The following PPARGC1A variants were observed in gnomAD, a reference collection of about 807,000 sequenced individuals.
The protein encoded by PPARGC1A is PPARG coactivator 1 alpha.
PPARGC1A carries 25 observed loss-of-function variants against 88.7 expected under a neutral mutation model. The ratio of observed to expected loss-of-function variants is 0.28; its 90% confidence interval spans 0.21 to 0.39. The LOEUF (loss-of-function observed/expected upper bound fraction) is 0.39. Ranked by LOEUF, PPARGC1A falls within the 10% of genes least tolerant of loss-of-function variation. PPARGC1A has a pLI of 1.00. For synonymous variants in PPARGC1A, 363 were observed against 355.6 expected (o/e 1.02, Z -0.24); for missense variants, 880 against 968.7 (o/e 0.91, Z 1.22).
the PPARGC1A span, among the ~76,000 whole-genome samples, chr4:24,177,292 A>T: frequency 3.3e-5 from 5 of 152,170 alleles, no homozygotes; most frequent in Admixed American, 2.0e-4. Flanking sequence ...CAGCCATAAA[A>T]ATGATGAGTT....
At chr4:24,255,737 G>A in the PPARGC1A span, among the ~76,000 whole-genome samples, 1 of 152,298 alleles carries the variant, frequency 6.6e-6, no homozygotes, top group East Asian at 1.9e-4. Context: ...ATAAGTAAGA[G>A]TTAGGAAAAC....
chr4:24,465,795 G>A, the PPARGC1A span, among the ~76,000 whole-genome samples: 50 of 152,294 alleles, frequency 3.3e-4, 1 homozygote, highest in African/African-American at 1.2e-3. Context: ...GGACATAAAT[G>A]TTAGGCGCAT....
the PPARGC1A span, among the ~76,000 whole-genome samples, chr4:24,390,751 T>G: frequency 6.6e-6 from 1 of 152,070 alleles, no homozygotes; most frequent in African/African-American, 2.4e-5. Context: ...TTTAGTGGCC[T>G]TTCTATGTTG....
the PPARGC1A span, among the ~76,000 whole-genome samples, chr4:24,370,813 T>C: frequency 7.3e-6 from 1 of 137,304 alleles, no homozygotes; most frequent in Non-Finnish European, 1.5e-5. Flanking sequence ...GTGCAGAACA[T>C]GCAGGTTTGT....
At chr4:24,170,927 G>A in the PPARGC1A span, among the ~76,000 whole-genome samples, 5 of 152,016 alleles carry the variant, frequency 3.3e-5, no homozygotes, top group South Asian at 1.0e-3. Context: ...TTCTGCTTCT[G>A]CTCCAACCAT....
chr4:23,924,533 A>T, the PPARGC1A span, among the ~76,000 whole-genome samples: 1 of 152,016 alleles, frequency 6.6e-6, no homozygotes, highest in African/African-American at 2.4e-5. Context: ...GAGGCAGGAG[A>T]ATCACTTGAA....
chr4:24,229,515 A>T, the PPARGC1A span, among the ~76,000 whole-genome samples: 1 of 151,240 alleles, frequency 6.6e-6, no homozygotes. Context: ...CCACTGGTAT[A>T]CCCCTCAAAA....
the PPARGC1A span, among the ~76,000 whole-genome samples, chr4:24,328,198 C>T: frequency 3.9e-5 from 6 of 152,088 alleles, no homozygotes; most frequent in Middle Eastern, 3.4e-3. Context: ...TCTCTTCACA[C>T]GGACGCGCAT....
intron 2 of PPARGC1A, among the ~76,000 whole-genome samples, chr4:23,870,129 A>G (rs954243674): frequency 3.3e-5 from 5 of 152,172 alleles, no homozygotes; most frequent in Non-Finnish European, 7.3e-5. Context: ...TAGATCTAAA[A>G]CTACGTGTTT....
chr4:23,913,265 T>TAGAG, the PPARGC1A span, among the ~76,000 whole-genome samples: 55 of 58,760 alleles, frequency 9.4e-4, no homozygotes, highest in Non-Finnish European at 1.2e-3. Flanking sequence ...TATATATATA[T>TAGAG]ATAGAGAGAG....
At chr4:24,230,117 G>T in the PPARGC1A span, among the ~76,000 whole-genome samples, 2 of 152,148 alleles carry the variant, frequency 1.3e-5, no homozygotes, top group African/African-American at 2.4e-5. Flanking sequence ...CTAGACTGGG[G>T]TTATTACCAT....
the PPARGC1A span, among the ~76,000 whole-genome samples, chr4:24,124,392 A>C: frequency 6.6e-6 from 1 of 152,216 alleles, no homozygotes; most frequent in Non-Finnish European, 1.5e-5. Flanking sequence ...GAATAACACA[A>C]ATCAGCCCAT....
At position 23,824,352 on chromosome 4, in the gene PPARGC1A, C is replaced by T; in HGVS notation, c.805G>A (p.Asp269Asn). ...SLPLTPESPN[D>N]PKGSPFENKT... ...TTCTCAAATGGGGAACCCTTGGGGTCACTGGAAGATATGGCACATTTATAA... is the reference window on the plus strand; with the variant it reads ...TTCTCAAATGGGGAACCCTTGGGGTTACTGGAAGATATGGCACATTTATAA... Residue 269 changes from aspartate to asparagine, a missense_variant and splice_region_variant, in exon 7 of 13, where the codon GAC (aspartate) becomes AAC (asparagine). Coordinates refer to ENST00000264867, the MANE Select transcript of PPARGC1A (RefSeq NM_013261.5). 6.2e-7 allele frequency: 1 copy of T among 1,613,316 alleles called. No homozygotes were observed. Among genetic ancestry groups the T allele is most frequent in the South Asian group, 1.1e-5 (1 of 91,062 alleles).
At chr4:24,426,628 A>T in the PPARGC1A span, among the ~76,000 whole-genome samples, 1 of 152,224 alleles carries the variant, frequency 6.6e-6, no homozygotes, top group African/African-American at 2.4e-5. Context: ...CAGTGACCTT[A>T]AAACCATGCA....
At chr4:23,979,620 G>A in the PPARGC1A span, among the ~76,000 whole-genome samples, 5 of 152,110 alleles carry the variant, frequency 3.3e-5, no homozygotes, top group Non-Finnish European at 2.9e-5. Context: ...TCACTTACAC[G>A]GAGACAGCAG....
At chr4:24,259,238 G>A in the PPARGC1A span, among the ~76,000 whole-genome samples, 13 of 152,308 alleles carry the variant, frequency 8.5e-5, no homozygotes, top group Non-Finnish European at 8.8e-5. Flanking sequence ...CCGATGATGT[G>A]AGGGTCACAA....
the PPARGC1A span, among the ~76,000 whole-genome samples, chr4:24,235,017 T>C: frequency 6.6e-6 from 1 of 152,192 alleles, no homozygotes; most frequent in East Asian, 1.9e-4. Flanking sequence ...ATACTCATTT[T>C]GGGAATATTG....
the PPARGC1A span, among the ~76,000 whole-genome samples, chr4:24,299,037 G>A: frequency 2.2e-4 from 34 of 152,196 alleles, no homozygotes; most frequent in East Asian, 4.6e-3. Flanking sequence ...GTACAGAATC[G>A]CATCGACTAA....
intron 2 of PPARGC1A, among the ~76,000 whole-genome samples, chr4:23,856,498 G>T (rs1262374741): frequency 6.6e-6 from 1 of 152,126 alleles, no homozygotes; most frequent in Non-Finnish European, 1.5e-5. Flanking sequence ...CCCTCTAAAG[G>T]TTACATTTCA....
Sources: gnomAD v4.1 joint callset for allele counts (sites outside exome capture counted in the v4.1 genomes callset) on GRCh38, gnomAD v4.1.1 for gene constraint, MANE v1.5 for transcripts, NCBI Gene and HGNC (gene_info 2026-07-23, HGNC 2026-07-21) for gene names.